Variants in SPOPL observed in about 807,000 individuals in gnomAD.
The protein encoded by SPOPL is speckle-type POZ protein-like.
Under a neutral mutation model 53.8 loss-of-function variants are expected in SPOPL, and 23 were observed. That is an observed-to-expected ratio of 0.43 (90% CI 0.31 to 0.61). The LOEUF is 0.61. SPOPL is among the 20% of genes least tolerant of loss of function. The pLI, the probability that SPOPL is intolerant of heterozygous loss-of-function variation, is 0.12. For missense variants in SPOPL, 442 were observed against 466.9 expected, an observed-to-expected ratio of 0.95 and a Z score of 0.49; for synonymous variants, 164 against 149.7, an observed-to-expected ratio of 1.10 and a Z score of -0.70.
intron 10 of SPOPL, among the ~76,000 whole-genome samples, chr2:138,568,113 A>C (rs757332222): frequency 6.6e-6 from 1 of 152,186 alleles, no homozygotes; most frequent in Non-Finnish European, 1.5e-5. Flanking sequence ...TTGTGTTACC[A>C]AGGGAACATT....
chr2:138,546,757 C>T (rs1685203967), intron 1 of SPOPL, among the ~76,000 whole-genome samples: 1 of 152,168 alleles, frequency 6.6e-6, no homozygotes, highest in Non-Finnish European at 1.5e-5. Flanking sequence ...AAACGCTTTT[C>T]TCATCATTAA....
chr2:138,541,146 A>C (rs1354921230), intron 1 of SPOPL, among the ~76,000 whole-genome samples: 1 of 152,156 alleles, frequency 6.6e-6, no homozygotes, highest in East Asian at 1.9e-4. Flanking sequence ...TCAGTTTGCC[A>C]GTATTTTATT....
intron 1 of SPOPL, among the ~76,000 whole-genome samples, chr2:138,530,875 T>G (rs896992051): frequency 2.0e-5 from 3 of 152,002 alleles, no homozygotes; most frequent in Admixed American, 6.6e-5. Flanking sequence ...GTAGTAGTGG[T>G]CTTCTTGCCT....
chr2:138,556,858 G>A lies in SPOPL; in HGVS notation c.481-2164G>A, dbSNP rs190041065. Among the ~76,000 whole-genome samples, 23 of 152,114 alleles carry A rather than the reference G, an allele frequency of 1.5e-4. No individual in the cohort carries two copies. In the East Asian group the frequency reaches 2.3e-3, roughly 15 times the overall value. ...TCAGAAAAATATTGTACGAAGAGCC[G>A]TAAAGAAAGGAATCTGGGCCAGGCA... On this transcript the variant is annotated intron_variant, in intron 5 of 10. Transcript: ENST00000280098.
At chr2:138,544,207 CTGTT>C (rs1277904925) in intron 1 of SPOPL, among the ~76,000 whole-genome samples, 1 of 152,230 alleles carries the variant, frequency 6.6e-6, no homozygotes, top group African/African-American at 2.4e-5. Context: ...GGCAGTCTGT[CTGTT>C]CTCAGATGTC....
intron 1 of SPOPL, among the ~76,000 whole-genome samples, chr2:138,525,926 C>G: frequency 6.6e-6 from 1 of 151,476 alleles, no homozygotes; most frequent in South Asian, 2.1e-4. Flanking sequence ...CACCTTCACT[C>G]CCAGTTTTAT....
Position 138,568,922 on chromosome 2 carries a change from A to C in SPOPL, c.1035-14A>C. The C allele has an allele frequency of 6.2e-7, 1 of 1,613,246 alleles. No homozygotes were observed. The highest frequency in any genetic ancestry group is 8.5e-7 in the Non-Finnish European group (1 of 1,179,588). The stretch of plus-strand genomic sequence containing the variant: ...AGTATTCTTTAGTAAATATCTTTTA[A>C]TTCTATTTTTCAGCCAAGCAACCGA... On this transcript the variant is annotated splice_polypyrimidine_tract_variant and intron_variant, in intron 10 of 10. Transcript: ENST00000280098.
rs1433769261 is a variant in SPOPL at position 138,521,392 on chromosome 2, C to G, written c.-61+19273C>G. Reference sequence around the variant, plus strand: ...TTTTTTTTTTTTTTTTCCATTTTTACTGTTGCCATGGAAAATGACATTATG... The same window carrying G: ...TTTTTTTTTTTTTTTTCCATTTTTAGTGTTGCCATGGAAAATGACATTATG... On this transcript the variant is annotated intron_variant, in intron 1 of 10. Transcript: ENST00000280098. 2.0e-4 allele frequency among the ~76,000 whole-genome samples: 28 copies of G among 142,420 alleles called. No individual in the cohort carries two copies. The Admixed American group carries it at 2.0e-3, about 10-fold the overall frequency. 93.4% of individuals were successfully genotyped at this position (142,420 alleles called of 152,430 possible). A position where few individuals can be genotyped will look rare whatever the true frequency, so the allele number is the denominator to read the frequency against.
At chr2:138,552,933 T>C (rs1685344862) in intron 5 of SPOPL, among the ~76,000 whole-genome samples, 1 of 152,078 alleles carries the variant, frequency 6.6e-6, no homozygotes, top group South Asian at 2.1e-4. Flanking sequence ...TACATCCTTC[T>C]TCCTCTTGAA....
intron 10 of SPOPL, among the ~76,000 whole-genome samples, chr2:138,565,865 C>A (rs925445442): frequency 1.3e-5 from 2 of 151,280 alleles, no homozygotes; most frequent in Non-Finnish European, 2.9e-5. Flanking sequence ...TCCCAAGTAG[C>A]TGGAACTACA....
intron 1 of SPOPL, among the ~76,000 whole-genome samples, chr2:138,506,418 C>T (rs928349333): frequency 6.6e-6 from 1 of 152,096 alleles, no homozygotes; most frequent in African/African-American, 2.4e-5. Flanking sequence ...ATTTGAATAG[C>T]GTTGAGATTA....
intron 1 of SPOPL, among the ~76,000 whole-genome samples, chr2:138,505,030 G>T (rs1487683004): frequency 2.0e-5 from 3 of 152,200 alleles, no homozygotes; most frequent in South Asian, 2.1e-4. Flanking sequence ...AGGCAACATA[G>T]TTCTCATCTA....
intron 1 of SPOPL, among the ~76,000 whole-genome samples, chr2:138,505,266 C>A (rs1190287093): frequency 6.6e-6 from 1 of 152,104 alleles, no homozygotes; most frequent in Non-Finnish European, 1.5e-5. Flanking sequence ...AGTCTTATGT[C>A]AAGCCTTATA....
chr2:138,537,377 G>A (rs1383452296), intron 1 of SPOPL, among the ~76,000 whole-genome samples: 4 of 152,020 alleles, frequency 2.6e-5, no homozygotes, highest in East Asian at 1.9e-4. Flanking sequence ...TGCATGCACC[G>A]GTAATCAGAA....
At chr2:138,532,977 T>C (rs1269375570) in intron 1 of SPOPL, among the ~76,000 whole-genome samples, 3 of 152,180 alleles carry the variant, frequency 2.0e-5, no homozygotes, top group African/African-American at 7.2e-5. Context: ...AAGTACTTTT[T>C]ATATACATTA....
intron 1 of SPOPL, among the ~76,000 whole-genome samples, chr2:138,514,579 A>G (rs1179527160): frequency 1.3e-5 from 2 of 152,068 alleles, no homozygotes; most frequent in East Asian, 1.9e-4. Flanking sequence ...TCTGTATATC[A>G]TGATTTATCT....
In SPOPL at chr2:138,572,932, G is replaced by T. The variant is rs1040700942; in HGVS notation, c.*3852G>T. Reference sequence around the variant, plus strand: ...ATATTTAAATTTTTTTGTTGTCAGAGTTTATCATTGTATACTGTAACCCAG... The same window carrying T: ...ATATTTAAATTTTTTTGTTGTCAGATTTTATCATTGTATACTGTAACCCAG... On this transcript the variant is annotated 3_prime_UTR_variant, in exon 11 of 11. Transcript: ENST00000280098. The T allele has an allele frequency of 1.1e-4, 16 of 152,322 alleles. No individual in the cohort carries two copies. The highest frequency in any genetic ancestry group is 3.9e-4 in the African/African-American group (16 of 41,376). 9.4% of individuals were successfully genotyped at this position (152,322 alleles called of 1,614,324 possible).
intron 1 of SPOPL, among the ~76,000 whole-genome samples, chr2:138,539,291 T>G (rs1274138303): frequency 1.3e-5 from 2 of 152,212 alleles, no homozygotes; most frequent in African/African-American, 4.8e-5. Context: ...GGTCAAATGG[T>G]ATTTCTAGTT....
rs546169181 is a variant in SPOPL, at chr2:138,563,246, G to A, written c.838-1462G>A. Among the ~76,000 whole-genome samples the A allele has an allele frequency of 1.6e-3, 238 of 152,244 alleles. 1 individual carries two copies. Among genetic ancestry groups the A allele is most frequent in the African/African-American group, 5.4e-3 (225 of 41,524 alleles). The stretch of plus-strand genomic sequence containing the variant: ...TAATCCCAACACGTTAGGAGGCCTG[G>A]GCTGGAATATCACTTGAGCCCAGGG... On this transcript the variant is annotated intron_variant, in intron 8 of 10. Transcript: ENST00000280098.
Sources: allele counts gnomAD v4.1 joint callset (sites outside exome capture counted in the v4.1 genomes callset), GRCh38; gene constraint gnomAD v4.1.1; transcripts MANE v1.5; gene names NCBI Gene and HGNC (gene_info 2026-07-23, HGNC 2026-07-21).